Variants in PTCD3 observed in about 807,000 individuals in gnomAD.
PTCD3 encodes small ribosomal subunit protein mS39.
In PTCD3, 89 loss-of-function variants were observed where a neutral mutation model predicts 101.9. That is an observed-to-expected ratio of 0.87 (90% CI 0.74 to 1.04). The LOEUF (loss-of-function observed/expected upper bound fraction) is 1.04. Ranked by LOEUF, PTCD3 falls within the 50% of genes least tolerant of loss-of-function variation. PTCD3 has a pLI of 0.00. For missense variants in PTCD3, 870 were observed against 828.2 expected (o/e 1.05, Z -0.62); for synonymous variants, 296 against 278.5 (o/e 1.06, Z -0.63).
In PTCD3 at chr2:86,141,788, T is replaced by G. The variant is rs990917913; in HGVS notation, c.*4229T>G. ...GCTGTGGAAATGGCAGTCGTGTGAC[T>G]TTTCACTTGCAGTTTAAATGAAAGG... On this transcript the variant is annotated 3_prime_UTR_variant, in exon 24 of 24. Coordinates refer to ENST00000254630, the MANE Select transcript of PTCD3 (RefSeq NM_017952.6). 2.6e-5 allele frequency: 4 copies of G among 152,208 alleles called. No homozygotes were observed. Among genetic ancestry groups the G allele is most frequent in the African/African-American group, 9.7e-5 (4 of 41,446 alleles). The allele number at this position is 152,208 out of a possible 1,614,324, so 9.4% of individuals were successfully genotyped here.
intron 3 of PTCD3, 47 bp from the exon 4 acceptor site, chr2:86,111,066 G>T (rs1674072880): frequency 6.5e-7 from 1 of 1,546,536 alleles, no homozygotes; most frequent in African/African-American, 1.4e-5. Context: ...TCGGTTTGTG[G>T]CTATGAAGAG....
intron 13 of PTCD3, 33 bp from the exon 14 acceptor site, chr2:86,127,908 T>G: frequency 6.5e-7 from 1 of 1,544,652 alleles, no homozygotes; most frequent in African/African-American, 1.4e-5. Context: ...TTTACCTCAT[T>G]GTTTATTTTT....
chr2:86,135,148 T>G lies in PTCD3; in HGVS notation c.1778+161T>G, dbSNP rs144352346. 79 of 684,942 alleles carry G rather than the reference T, an allele frequency of 1.2e-4. No individual in the cohort carries two copies. In the East Asian group the frequency reaches 2.0e-3, roughly 17 times the overall value. The allele number at this position is 684,942 out of a possible 1,614,324, so 42.4% of individuals were successfully genotyped here. A position where few individuals can be genotyped will look rare whatever the true frequency, so the allele number is the denominator to read the frequency against. ...AAAGCAAACTTTTGGAAGAAGACAGTATGCATGATGTAGTTGAGATAAGGC... is the reference window on the plus strand; with the variant it reads ...AAAGCAAACTTTTGGAAGAAGACAGGATGCATGATGTAGTTGAGATAAGGC... On this transcript the variant is annotated intron_variant, in intron 21 of 23. Transcript: ENST00000254630.
At chr2:86,106,620 G>A (rs1209913355) in intron 1 of PTCD3, among the ~76,000 whole-genome samples, 1 of 152,202 alleles carries the variant, frequency 6.6e-6, no homozygotes, top group Non-Finnish European at 1.5e-5. Flanking sequence ...CATGAAGCTT[G>A]CGTTCCAGTG....
rs1301547272 is a variant in PTCD3, at chr2:86,118,919, A to G, written c.415-2A>G. On this transcript the variant is annotated splice_acceptor_variant, in intron 6 of 23. Coordinates refer to ENST00000254630, the MANE Select transcript of PTCD3 (RefSeq NM_017952.6). LOFTEE classifies it high-confidence loss of function. ...GTAACTTTAGTCATCTTGTTTTCCT[A>G]GTGTTTAATGCCTGAGTACTTTGAA... 9 of 1,610,332 alleles carry G rather than the reference A, an allele frequency of 5.6e-6. No homozygotes were observed. In the East Asian group the frequency reaches 2.0e-4, roughly 36 times the overall value.
At chr2:86,106,787 G>A (rs1190272697) in intron 1 of PTCD3, among the ~76,000 whole-genome samples, 1 of 152,200 alleles carries the variant, frequency 6.6e-6, no homozygotes, top group African/African-American at 2.4e-5. Context: ...AAGTTATCAG[G>A]TTTTCGTAAA....
intron 14 of PTCD3, among the ~76,000 whole-genome samples, chr2:86,128,262 ATTTTTTTTT>A (rs35529284): frequency 7.5e-6 from 1 of 133,018 alleles, no homozygotes; most frequent in Non-Finnish European, 1.6e-5. Flanking sequence ...TGCCTAGCTG[ATTTTTTTTT>A]TTTTTTTTTG....
chr2:86,133,282 T>C (rs1558800207), intron 18 of PTCD3, 26 bp downstream of exon 18: 2 of 1,613,976 alleles, frequency 1.2e-6, no homozygotes, highest in Non-Finnish European at 8.5e-7. Flanking sequence ...ACTTGTTATT[T>C]ATCATTCTAG....
intron 4 of PTCD3, among the ~76,000 whole-genome samples, chr2:86,114,107 A>C (rs957770954): frequency 6.6e-6 from 1 of 152,068 alleles, no homozygotes; most frequent in Non-Finnish European, 1.5e-5. Context: ...CTTAAAATCC[A>C]AGAGTTATTC....
chr2:86,125,565 TTGTC>T (rs1410123942), intron 11 of PTCD3, 50 bp downstream of exon 11: 2 of 1,532,820 alleles, frequency 1.3e-6, no homozygotes, highest in African/African-American at 1.4e-5. Context: ...CTTCTTTTAA[TTGTC>T]TGTGTGAAGG....
At chr2:86,108,601 G>C in intron 3 of PTCD3, 65 bp downstream of exon 3, 1 of 1,427,292 alleles carries the variant, frequency 7.0e-7, no homozygotes, top group Non-Finnish European at 9.5e-7. Flanking sequence ...AAGTGTAAGG[G>C]TTAGGTAAGG....
intron 8 of PTCD3, among the ~76,000 whole-genome samples, chr2:86,122,212 TTAGAG>T (rs1674296424): frequency 1.3e-5 from 2 of 152,172 alleles, no homozygotes; most frequent in African/African-American, 4.8e-5. Flanking sequence ...ATTGAGCACA[TTAGAG>T]TAGATGTGTT....
At chr2:86,136,160 C>T (rs1285998654) in intron 21 of PTCD3, among the ~76,000 whole-genome samples, 1 of 152,208 alleles carries the variant, frequency 6.6e-6, no homozygotes, top group Non-Finnish European at 1.5e-5. Flanking sequence ...AGGACAAATA[C>T]AGTTGGAGTA....
chr2:86,135,196 T>TGA (rs1481338161), intron 21 of PTCD3: 14 of 455,142 alleles, frequency 3.1e-5, no homozygotes, highest in Admixed American at 1.9e-4. Flanking sequence ...AACCATACGC[T>TGA]GAGAATTATC....
Position 86,130,665 on chromosome 2 carries a change from T to A in PTCD3, c.1165T>A (p.Ser389Thr). 1 of 1,613,004 alleles carries A rather than the reference T, an allele frequency of 6.2e-7. No homozygotes were observed. The highest frequency in any genetic ancestry group is 8.5e-7 in the Non-Finnish European group (1 of 1,179,542). The change falls in exon 15 of 24, where the codon TCA (serine) becomes ACA (threonine). Residue 389 changes from serine (S) to threonine (T), a missense_variant. Physicochemically the swap from Ser to Thr is moderately conservative, Grantham distance 58 (BLOSUM62 1). Coordinates refer to ENST00000254630, the MANE Select transcript of PTCD3 (RefSeq NM_017952.6). ...FDQPGDPLKRSSFIIYDIMNE... is the reference protein window; with the variant it reads ...FDQPGDPLKRTSFIIYDIMNE... ...TTCTGCAGGAGACCCTTTAAAGAGA[T>A]CATCCTTCATCATTTATGATATAAT...
chr2:86,107,796 A>C (rs1268804508), intron 1 of PTCD3, among the ~76,000 whole-genome samples: 1 of 152,190 alleles, frequency 6.6e-6, no homozygotes, highest in Non-Finnish European at 1.5e-5. Context: ...GTCCTTTCTG[A>C]TCAGGGCAGT....
intron 20 of PTCD3, among the ~76,000 whole-genome samples, chr2:86,134,636 T>C (rs1341797778): frequency 2.6e-5 from 4 of 152,238 alleles, no homozygotes; most frequent in Non-Finnish European, 5.9e-5. Flanking sequence ...ACAAAGGAAA[T>C]GCATAGCTGA....
chr2:86,127,599 G>A, intron 13 of PTCD3: 2 of 460,420 alleles, frequency 4.3e-6, no homozygotes, highest in Non-Finnish European at 7.7e-6. Context: ...ACATAATTAG[G>A]TATTTGAACC....
At chr2:86,135,985 CTG>C in intron 21 of PTCD3, 1 of 519,178 alleles carries the variant, frequency 1.9e-6, no homozygotes, top group South Asian at 1.4e-5. Context: ...TTACATGAGA[CTG>C]TTGCCTCAAT....
Sources: gnomAD v4.1 joint callset for allele counts (sites outside exome capture counted in the v4.1 genomes callset) on GRCh38, gnomAD v4.1.1 for gene constraint, MANE v1.5 for transcripts, NCBI Gene and HGNC (gene_info 2026-07-23, HGNC 2026-07-21) for gene names.